Variants in NTM observed in about 807,000 individuals in gnomAD.
NTM encodes neurotrimin.
In NTM, 13 loss-of-function variants were observed where a neutral mutation model predicts 42.1. The ratio of observed to expected loss-of-function variants is 0.31; its 90% CI spans 0.20 to 0.49. NTM has a LOEUF of 0.49. Ranked by LOEUF, NTM falls within the 20% of genes least tolerant of loss-of-function variation. NTM has a pLI of 0.99. For missense variants in NTM, 373 were observed against 452.8 expected (o/e 0.82, Z 1.60); for synonymous variants, 187 against 179.2 (o/e 1.04, Z -0.35).
intron 4 of NTM, among the ~76,000 whole-genome samples, chr11:132,224,471 A>T (rs955589775): frequency 6.6e-6 from 1 of 152,236 alleles, no homozygotes; most frequent in Non-Finnish European, 1.5e-5. Flanking sequence ...GCAGATGCAC[A>T]TGCCTGTATG....
intron 1 of NTM, among the ~76,000 whole-genome samples, chr11:131,671,771 G>A (rs2070298850): frequency 6.6e-6 from 1 of 152,246 alleles, no homozygotes; most frequent in Non-Finnish European, 1.5e-5. Context: ...AAAGAGAAGT[G>A]TGTCCCCTGA....
At chr11:132,137,344 A>T (rs1315966425) in intron 2 of NTM, among the ~76,000 whole-genome samples, 1 of 152,206 alleles carries the variant, frequency 6.6e-6, no homozygotes, top group African/African-American at 2.4e-5. Flanking sequence ...CCTGCCAAGG[A>T]GGGCTGTCCC....
At chr11:131,772,571 A>G (rs1177337748) in intron 1 of NTM, among the ~76,000 whole-genome samples, 1 of 152,138 alleles carries the variant, frequency 6.6e-6, no homozygotes, top group Non-Finnish European at 1.5e-5. Context: ...GGTGCAAGGA[A>G]ATAGTTCTGC....
chr11:131,795,739 T>C (rs2091478948), intron 1 of NTM: 1 of 985,336 alleles, frequency 1.0e-6, no homozygotes, highest in Non-Finnish European at 1.2e-6. Context: ...GGTGACAGTG[T>C]AGTGGTTCAG....
At chr11:131,752,694 A>G (rs192229867) in intron 1 of NTM, among the ~76,000 whole-genome samples, 2 of 152,296 alleles carry the variant, frequency 1.3e-5, no homozygotes, top group East Asian at 3.9e-4. Context: ...ACATATGTAG[A>G]AAGCTGAAAC....
In NTM at chr11:131,750,321, G is replaced by A. The variant is rs576758702; in HGVS notation, c.83-161243G>A. 2.6e-4 allele frequency among the ~76,000 whole-genome samples: 40 copies of A among 152,344 alleles called. No homozygotes were observed. In the South Asian group the frequency reaches 5.8e-3, roughly 22 times the overall value. On this transcript the variant is annotated intron_variant, in intron 1 of 8. Coordinates refer to ENST00000683400, the MANE Select transcript of NTM (RefSeq NM_001352005.2). ...TAGAGACTCTAAGTTATGGCCTTCA[G>A]TCACATGTACATTGCCACATACCCA...
intron 1 of NTM, among the ~76,000 whole-genome samples, chr11:131,729,282 G>A (rs1437646896): frequency 2.6e-5 from 4 of 152,120 alleles, no homozygotes; most frequent in African/African-American, 7.2e-5. Context: ...TAGACACAAC[G>A]GGTATTTGAG....
chr11:131,864,413 G>A (rs2046937601), intron 1 of NTM, among the ~76,000 whole-genome samples: 1 of 152,150 alleles, frequency 6.6e-6, no homozygotes, highest in African/African-American at 2.4e-5. Flanking sequence ...TGGACTGACT[G>A]GTTTCAATTA....
chr11:131,406,008 G>A (rs537898386), intron 1 of NTM, among the ~76,000 whole-genome samples: 3 of 152,128 alleles, frequency 2.0e-5, no homozygotes, highest in Non-Finnish European at 2.9e-5. Context: ...CTTGCACTCC[G>A]TCCTTCTCTA....
chr11:131,834,295 C>T (rs1023241107), intron 1 of NTM, among the ~76,000 whole-genome samples: 4 of 152,134 alleles, frequency 2.6e-5, no homozygotes, highest in African/African-American at 9.7e-5. Context: ...TCCCAATACC[C>T]ACTCCCTTCC....
chr11:132,156,494 T>C (rs2073221251), intron 3 of NTM, among the ~76,000 whole-genome samples: 2 of 152,246 alleles, frequency 1.3e-5, no homozygotes, highest in Non-Finnish European at 2.9e-5. Context: ...TCCTGCTTTT[T>C]GCCACAGTTA....
At chr11:131,820,777 A>T (rs909986535) in intron 1 of NTM, among the ~76,000 whole-genome samples, 1 of 152,174 alleles carries the variant, frequency 6.6e-6, no homozygotes, top group Non-Finnish European at 1.5e-5. Flanking sequence ...ACATTTTTTC[A>T]CTTGGTAAAT....
At chr11:132,224,070 G>A (rs1456987113) in intron 4 of NTM, among the ~76,000 whole-genome samples, 1 of 152,240 alleles carries the variant, frequency 6.6e-6, no homozygotes, top group Non-Finnish European at 1.5e-5. Context: ...CCAGGTGGCA[G>A]GAGCTTCAGA....
chr11:132,333,082 G>A (rs2095831405), intron 8 of NTM, among the ~76,000 whole-genome samples: 1 of 152,192 alleles, frequency 6.6e-6, no homozygotes, highest in Non-Finnish European at 1.5e-5. Flanking sequence ...CCTGCCGGGA[G>A]TTAAGGACTC....
intron 1 of NTM, among the ~76,000 whole-genome samples, chr11:131,413,753 G>T (rs577926486): frequency 6.6e-6 from 1 of 152,170 alleles, no homozygotes; most frequent in Admixed American, 6.5e-5. Flanking sequence ...TGTTCCTGCC[G>T]TGTGGGCAGC....
intron 1 of NTM, chr11:131,671,584 C>G: frequency 1.0e-6 from 1 of 985,322 alleles, no homozygotes; most frequent in South Asian, 4.7e-5. Context: ...CTGGAGCCCA[C>G]GCTGGGCTGG....
At chr11:131,964,941 A>G (rs1378792959) in intron 2 of NTM, among the ~76,000 whole-genome samples, 1 of 152,176 alleles carries the variant, frequency 6.6e-6, no homozygotes, top group African/African-American at 2.4e-5. Context: ...GGCATTACCA[A>G]GAGATCAATA....
intron 1 of NTM, among the ~76,000 whole-genome samples, chr11:131,796,678 G>A (rs1322649853): frequency 6.6e-6 from 1 of 152,202 alleles, no homozygotes; most frequent in Non-Finnish European, 1.5e-5. Flanking sequence ...GAGAGACACA[G>A]GAGCTTATCA....
chr11:132,119,497 A>G (rs561255460), intron 2 of NTM, among the ~76,000 whole-genome samples: 1 of 152,328 alleles, frequency 6.6e-6, no homozygotes, highest in Non-Finnish European at 1.5e-5. Context: ...CACCCCTGCC[A>G]GCAGTGATGA....
Sources: gnomAD v4.1 joint callset for allele counts (sites outside exome capture counted in the v4.1 genomes callset) on GRCh38, gnomAD v4.1.1 for gene constraint, MANE v1.5 for transcripts, NCBI Gene and HGNC (gene_info 2026-07-23, HGNC 2026-07-21) for gene names.